ATRNL1: variants seen among roughly 807,000 people sequenced by gnomAD.
ATRNL1 encodes attractin like 1, also known as attractin-like protein 1.
A neutral mutation model predicts 182.7 loss-of-function variants in ATRNL1; 95 were observed. The observed-to-expected ratio is 0.52, with a 90% CI of 0.44 to 0.62. ATRNL1 has a LOEUF of 0.62. Ranked by LOEUF, ATRNL1 falls within the 20% of genes least tolerant of loss-of-function variation. The pLI is 0.00. For missense variants in ATRNL1, 1,471 were observed against 1,679.5 expected, an observed-to-expected ratio of 0.88 and a Z score of 2.17; for synonymous variants, 576 against 568.3, an observed-to-expected ratio of 1.01 and a Z score of -0.19.
intron 20 of ATRNL1, among the ~76,000 whole-genome samples, chr10:115,410,720 A>G (rs1315953547): frequency 6.6e-6 from 1 of 152,100 alleles, no homozygotes; most frequent in Non-Finnish European, 1.5e-5. Context: ...ATATCTTTAT[A>G]TCTTCATTTA....
chr10:115,187,455 A>T (rs1266743972), intron 8 of ATRNL1, among the ~76,000 whole-genome samples: 1 of 152,136 alleles, frequency 6.6e-6, no homozygotes, highest in East Asian at 1.9e-4. Flanking sequence ...GTTGTTGACC[A>T]CTGGTGCACA....
At chr10:115,624,655 C>T (rs1434903296) in intron 26 of ATRNL1, among the ~76,000 whole-genome samples, 1 of 152,078 alleles carries the variant, frequency 6.6e-6, no homozygotes, top group Admixed American at 6.6e-5. Flanking sequence ...AGAGTGTTTG[C>T]AACACAGAAA....
At chr10:115,570,170 G>A (rs2133860118) in intron 26 of ATRNL1, among the ~76,000 whole-genome samples, 1 of 152,204 alleles carries the variant, frequency 6.6e-6, no homozygotes, top group African/African-American at 2.4e-5. Context: ...TGCCATGTTG[G>A]CCAGGCTGAT....
intron 7 of ATRNL1, 60 bp from the exon 8 acceptor site, chr10:115,170,977 T>G: frequency 1.0e-6 from 1 of 996,232 alleles, no homozygotes; most frequent in Non-Finnish European, 1.3e-6. Flanking sequence ...TTATTTTTAA[T>G]TAATATGTGT....
intron 4 of ATRNL1, chr10:115,128,493 C>G (rs1845071798): frequency 1.4e-6 from 1 of 690,242 alleles, no homozygotes; most frequent in African/African-American, 1.9e-5. Flanking sequence ...ATTTATTTAT[C>G]CTACAACGTA....
intron 26 of ATRNL1, among the ~76,000 whole-genome samples, chr10:115,717,896 A>G (rs1237377675): frequency 1.3e-5 from 2 of 152,008 alleles, no homozygotes; most frequent in Non-Finnish European, 2.9e-5. Context: ...TTCACCTAAT[A>G]TTCTATTTGC....
chr10:115,118,490 G>T (rs1469960870), intron 1 of ATRNL1, among the ~76,000 whole-genome samples: 4 of 152,102 alleles, frequency 2.6e-5, no homozygotes, highest in African/African-American at 9.7e-5. Flanking sequence ...CCGATTTTAA[G>T]ACTTGGGAGT....
intron 26 of ATRNL1, among the ~76,000 whole-genome samples, chr10:115,627,715 T>A (rs967618954): frequency 6.6e-6 from 1 of 152,158 alleles, no homozygotes; most frequent in East Asian, 1.9e-4. Context: ...CCTTGATTGA[T>A]ATTTGGGCTG....
intron 23 of ATRNL1, among the ~76,000 whole-genome samples, chr10:115,468,403 A>G (rs966585861): frequency 6.6e-6 from 1 of 150,856 alleles, no homozygotes; most frequent in Admixed American, 6.6e-5. Context: ...AAGTCATGGA[A>G]TCTGCATTTA....
chr10:115,498,322 C>G (rs1430508586), intron 24 of ATRNL1, among the ~76,000 whole-genome samples: 12 of 152,096 alleles, frequency 7.9e-5, no homozygotes, highest in Non-Finnish European at 1.0e-4. Flanking sequence ...TATGGCATTA[C>G]ATGATTTTCA....
At chr10:115,714,068 T>G (rs1306442769) in intron 26 of ATRNL1, among the ~76,000 whole-genome samples, 5 of 152,198 alleles carry the variant, frequency 3.3e-5, no homozygotes, top group African/African-American at 9.6e-5. Flanking sequence ...AATGGCATAT[T>G]AAGGCCTTGG....
At chr10:115,154,456 A>G (rs1264255185) in intron 5 of ATRNL1, among the ~76,000 whole-genome samples, 3 of 152,080 alleles carry the variant, frequency 2.0e-5, no homozygotes, top group Non-Finnish European at 2.9e-5. Context: ...TCCCTTTACC[A>G]TTATGTAATG....
intron 27 of ATRNL1, among the ~76,000 whole-genome samples, chr10:115,777,354 A>T (rs116547707): frequency 6.6e-6 from 1 of 152,072 alleles, no homozygotes; most frequent in Non-Finnish European, 1.5e-5. Flanking sequence ...TTCCTTGAAA[A>T]ATTCTTCTAA....
At chr10:115,835,961 C>G (rs573151840) in intron 27 of ATRNL1, among the ~76,000 whole-genome samples, 1 of 152,320 alleles carries the variant, frequency 6.6e-6, no homozygotes, top group Non-Finnish European at 1.5e-5. Context: ...CTCTGTCCCC[C>G]CACACCGATG....
At chr10:115,599,863 A>G (rs1856494022) in intron 26 of ATRNL1, among the ~76,000 whole-genome samples, 1 of 152,182 alleles carries the variant, frequency 6.6e-6, no homozygotes, top group African/African-American at 2.4e-5. Flanking sequence ...AACTGATTTT[A>G]ACTGTACAGC....
intron 8 of ATRNL1, among the ~76,000 whole-genome samples, chr10:115,213,853 A>C (rs1172418165): frequency 6.6e-6 from 1 of 152,104 alleles, no homozygotes; most frequent in Admixed American, 6.6e-5. Context: ...TGTTTATTGC[A>C]CCATTGTTTC....
chr10:115,724,328 G>A (rs1477613164), intron 26 of ATRNL1, among the ~76,000 whole-genome samples: 1 of 152,020 alleles, frequency 6.6e-6, no homozygotes, highest in Non-Finnish European at 1.5e-5. Context: ...CAAAACATTT[G>A]TTAAAAGGGA....
intron 28 of ATRNL1, among the ~76,000 whole-genome samples, chr10:115,902,374 T>G (rs1555113703): frequency 6.6e-6 from 1 of 152,184 alleles, no homozygotes; most frequent in East Asian, 1.9e-4. Flanking sequence ...AAATGTTTTT[T>G]TAAAAGCCGC....
intron 26 of ATRNL1, among the ~76,000 whole-genome samples, chr10:115,719,005 A>G (rs1025390346): frequency 1.3e-5 from 2 of 152,200 alleles, no homozygotes; most frequent in Admixed American, 6.5e-5. Flanking sequence ...AATTCATTCA[A>G]TTAATTATTA....
Sources: gnomAD v4.1 joint callset for allele counts (sites outside exome capture counted in the v4.1 genomes callset) on GRCh38, gnomAD v4.1.1 for gene constraint, MANE v1.5 for transcripts, NCBI Gene and HGNC (gene_info 2026-07-23, HGNC 2026-07-21) for gene names.